ODAD2: variants seen among roughly 807,000 people sequenced by gnomAD.
The protein encoded by ODAD2 is outer dynein arm docking complex subunit 2.
ODAD2 carries 89 observed loss-of-function variants against 106.8 expected under a neutral mutation model. That is an observed-to-expected ratio of 0.83 (90% CI 0.70 to 0.99). The LOEUF is 0.99. Ranked by LOEUF, ODAD2 falls within the 50% of genes least tolerant of loss-of-function variation. The pLI is 0.00. For synonymous variants in ODAD2, 404 were observed against 436.2 expected (o/e 0.93, Z 0.92); for missense variants, 1,168 against 1,238.5 (o/e 0.94, Z 0.85).
intron 18 of ODAD2, 106 bp downstream of exon 18, chr10:27,862,328 A>G (rs1271858305): frequency 1.8e-5 from 15 of 829,698 alleles, no homozygotes; most frequent in Middle Eastern, 7.6e-4. Context: ...AGCAATGGGT[A>G]TTAAACTTGA....
At chr10:27,972,959 C>T (rs1389097390) in intron 7 of ODAD2, among the ~76,000 whole-genome samples, 1 of 151,870 alleles carries the variant, frequency 6.6e-6, no homozygotes, top group African/African-American at 2.4e-5. Context: ...ACAGTCTCCT[C>T]AAATGTACAA....
chr10:27,967,554 A>G (rs1489397929), intron 9 of ODAD2, among the ~76,000 whole-genome samples: 1 of 151,792 alleles, frequency 6.6e-6, no homozygotes, highest in Non-Finnish European at 1.5e-5. Flanking sequence ...GAAGCAACAC[A>G]TACCTCATCC....
chr10:27,960,617 T>C (rs1848069837), intron 10 of ODAD2, among the ~76,000 whole-genome samples: 1 of 152,054 alleles, frequency 6.6e-6, no homozygotes, highest in Non-Finnish European at 1.5e-5. Context: ...CCCAAAGTGC[T>C]GGGATTATAG....
chr10:27,875,460 T>C (rs922320842), intron 17 of ODAD2, among the ~76,000 whole-genome samples: 1 of 150,768 alleles, frequency 6.6e-6, no homozygotes. Flanking sequence ...GCTTTTCTGC[T>C]CTGTTTTTCC....
chr10:27,924,023 A>AG (rs1845040378), intron 16 of ODAD2, among the ~76,000 whole-genome samples: 1 of 129,156 alleles, frequency 7.7e-6, no homozygotes, highest in African/African-American at 3.0e-5. Flanking sequence ...AGAAAGAAAG[A>AG]AGGAAAGAGA....
intron 10 of ODAD2, among the ~76,000 whole-genome samples, chr10:27,946,010 G>GTATA (rs10684689): frequency 1.3e-5 from 2 of 149,252 alleles, no homozygotes; most frequent in African/African-American, 4.9e-5. Context: ...TATCTATTGT[G>GTATA]TATATATATA....
At chr10:27,925,726 G>C (rs1485271378) in intron 16 of ODAD2, among the ~76,000 whole-genome samples, 1 of 151,962 alleles carries the variant, frequency 6.6e-6, no homozygotes, top group Non-Finnish European at 1.5e-5. Flanking sequence ...TTAAACCTAA[G>C]GTTATTCTTT....
intron 2 of ODAD2, among the ~76,000 whole-genome samples, chr10:27,988,708 A>G (rs1041415238): frequency 6.6e-6 from 1 of 152,196 alleles, no homozygotes. Flanking sequence ...CAGAAAAAGT[A>G]AATCTGACCA....
chr10:27,875,381 T>C (rs1367781085), intron 17 of ODAD2, among the ~76,000 whole-genome samples: 4 of 152,212 alleles, frequency 2.6e-5, no homozygotes, highest in African/African-American at 9.7e-5. Context: ...TGTCCAGCTT[T>C]GTTCCGTTGC....
intron 16 of ODAD2, among the ~76,000 whole-genome samples, chr10:27,931,836 G>A (rs539987737): frequency 1.3e-5 from 2 of 150,952 alleles, no homozygotes; most frequent in South Asian, 4.3e-4. Context: ...GCAAGAGTAA[G>A]TTCTAATCTA....
At chr10:27,976,455 C>A (rs112897095) in intron 7 of ODAD2, among the ~76,000 whole-genome samples, 1 of 151,880 alleles carries the variant, frequency 6.6e-6, no homozygotes, top group Non-Finnish European at 1.5e-5. Context: ...TATATTTATA[C>A]AATAGCAACA....
At chr10:27,835,358 C>T (rs1319624095) in intron 19 of ODAD2, among the ~76,000 whole-genome samples, 1 of 152,160 alleles carries the variant, frequency 6.6e-6, no homozygotes, top group Non-Finnish European at 1.5e-5. Context: ...AGAGCAACTT[C>T]GAAAGTCACC....
intron 19 of ODAD2, among the ~76,000 whole-genome samples, chr10:27,845,339 A>G (rs544106672): frequency 6.4e-4 from 98 of 152,306 alleles, no homozygotes; most frequent in Non-Finnish European, 3.2e-4. Flanking sequence ...TAAGTGAAGG[A>G]GAAATAAAAT....
intron 19 of ODAD2, among the ~76,000 whole-genome samples, chr10:27,825,193 C>T (rs2132919426): frequency 6.6e-6 from 1 of 152,276 alleles, no homozygotes; most frequent in South Asian, 2.1e-4. Flanking sequence ...TCAAAATAAA[C>T]CCAGAATCTG....
At chr10:27,827,379 C>CACTATATATATATATATATATA (rs1239159370) in intron 19 of ODAD2, among the ~76,000 whole-genome samples, 45 of 132,452 alleles carry the variant, frequency 3.4e-4, no homozygotes, top group African/African-American at 1.3e-3. Context: ...CACACACACA[C>CACTATATATATATATATATATA]TATATATATA....
intron 6 of ODAD2, among the ~76,000 whole-genome samples, chr10:27,982,661 GCCAACA>G (rs1849631794): frequency 6.6e-6 from 1 of 152,124 alleles, no homozygotes; most frequent in Non-Finnish European, 1.5e-5. Context: ...ACCAACCCAA[GCCAACA>G]TGTAACAACC....
Position 27,856,337 on chromosome 10 carries a change from T to G in ODAD2, c.3021+4288A>C, listed in dbSNP as rs187060682. On this transcript the variant is annotated intron_variant, in intron 19 of 19. Coordinates refer to ENST00000305242, the MANE Select transcript of ODAD2 (RefSeq NM_018076.5). ...ACACAAGCTGATTTTTCAACATAAG[T>G]GGATCAGGAAATCCTTGTTGACCTC... Among the ~76,000 whole-genome samples the G allele has an allele frequency of 2.6e-5, 4 of 152,286 alleles. No homozygotes were observed. The South Asian group carries it at 8.3e-4, about 32-fold the overall frequency.
chr10:27,997,661 T>C (rs1331564346), intron 1 of ODAD2: 2 of 152,120 alleles, frequency 1.3e-5, no homozygotes, highest in Non-Finnish European at 2.9e-5. Context: ...GGTTGGTGAG[T>C]TTAAGAAAAC....
At chr10:27,927,911 C>T (rs1371186461) in intron 16 of ODAD2, among the ~76,000 whole-genome samples, 5 of 152,070 alleles carry the variant, frequency 3.3e-5, no homozygotes, top group Non-Finnish European at 7.4e-5. Flanking sequence ...ATATCCATGA[C>T]ATAAGTTACC....
Sources: gnomAD v4.1 joint callset for allele counts (sites outside exome capture counted in the v4.1 genomes callset) on GRCh38, gnomAD v4.1.1 for gene constraint, MANE v1.5 for transcripts, NCBI Gene and HGNC (gene_info 2026-07-23, HGNC 2026-07-21) for gene names.